The following MACROD2 variants were observed in gnomAD, a reference collection of about 807,000 sequenced individuals.
The protein encoded by MACROD2 is mono-ADP ribosylhydrolase 2.
Under a neutral mutation model 70.4 loss-of-function variants are expected in MACROD2, and 36 were observed. The observed-to-expected ratio is 0.51, with a 90% CI of 0.39 to 0.68. MACROD2 has a LOEUF of 0.68. Among genes scored for constraint, MACROD2 ranks in the 30% least tolerant of loss-of-function variants. MACROD2 has a pLI of 0.00. For synonymous variants in MACROD2, 172 were observed against 178.8 expected (o/e 0.96, Z 0.30); for missense variants, 496 against 538.4 (o/e 0.92, Z 0.78).
chr20:15,274,705 G>A (rs905595158), intron 6 of MACROD2, among the ~76,000 whole-genome samples: 23 of 152,208 alleles, frequency 1.5e-4, no homozygotes, highest in Non-Finnish European at 1.0e-4. Flanking sequence ...GGTAAAATAA[G>A]TAAAGCAGAC....
At chr20:14,047,195 C>T (rs544169213) in intron 2 of MACROD2, among the ~76,000 whole-genome samples, 282 of 152,142 alleles carry the variant, frequency 1.9e-3, no homozygotes, top group African/African-American at 6.5e-3. Context: ...GCCTGTAATC[C>T]TAGCACTTTG....
At chr20:15,222,709 T>C (rs1221873384) in intron 5 of MACROD2, among the ~76,000 whole-genome samples, 1 of 152,242 alleles carries the variant, frequency 6.6e-6, no homozygotes, top group Non-Finnish European at 1.5e-5. Context: ...ACACTTGGTC[T>C]GACTGTTCAT....
intron 3 of MACROD2, among the ~76,000 whole-genome samples, chr20:14,366,312 T>A (rs902569973): frequency 4.6e-5 from 7 of 152,136 alleles, no homozygotes; most frequent in South Asian, 2.1e-4. Context: ...GTAATTTTTT[T>A]ATCTTCTTTA....
At chr20:14,000,422 G>A (rs752837705) in intron 1 of MACROD2, among the ~76,000 whole-genome samples, 3 of 151,824 alleles carry the variant, frequency 2.0e-5, no homozygotes, top group Non-Finnish European at 4.4e-5. Flanking sequence ...TAATACTTCT[G>A]TAGTTTATTT....
At chr20:14,897,329 T>C (rs561857583) in intron 5 of MACROD2, among the ~76,000 whole-genome samples, 6 of 152,210 alleles carry the variant, frequency 3.9e-5, no homozygotes, top group Middle Eastern at 3.4e-3. Flanking sequence ...TGAGATGAAC[T>C]TCATCACTTA....
intron 3 of MACROD2, among the ~76,000 whole-genome samples, chr20:14,452,891 T>C (rs1323782556): frequency 3.3e-5 from 5 of 152,174 alleles, no homozygotes; most frequent in Admixed American, 2.6e-4. Flanking sequence ...TTTCCTCTTA[T>C]GGCAGTCATA....
At chr20:15,452,183 T>C (rs2046653259) in intron 7 of MACROD2, among the ~76,000 whole-genome samples, 1 of 152,130 alleles carries the variant, frequency 6.6e-6, no homozygotes, top group Admixed American at 6.6e-5. Context: ...AATCTGAAAA[T>C]ACCTTAAAAT....
chr20:15,686,778 C>G (rs560488895), intron 8 of MACROD2, among the ~76,000 whole-genome samples: 2 of 148,796 alleles, frequency 1.3e-5, no homozygotes, highest in Non-Finnish European at 3.0e-5. Flanking sequence ...GAGACTGAAG[C>G]AGGAGAACCA....
At chr20:14,227,299 C>G (rs530152849) in intron 3 of MACROD2, among the ~76,000 whole-genome samples, 23 of 152,178 alleles carry the variant, frequency 1.5e-4, no homozygotes, top group Admixed American at 1.4e-3. Context: ...GCAACAGGCT[C>G]GGGTCCCCTT....
At position 14,331,971 on chromosome 20, in the gene MACROD2, G is replaced by A. The variant is rs114279385; in HGVS notation, c.272-161508G>A. Among the ~76,000 whole-genome samples, 251 of 152,134 alleles carry A rather than the reference G, an allele frequency of 1.6e-3. 1 individual carries two copies. The highest frequency in any genetic ancestry group is 5.9e-3 in the African/African-American group (247 of 41,526). On this transcript the variant is annotated intron_variant, in intron 3 of 17. Coordinates refer to ENST00000684519, the MANE Select transcript of MACROD2 (RefSeq NM_001351661.2). ...CCATTACTTCTGAACAAAATGAATC[G>A]ATCTTTTAGAAAAATACTGTTAATG... is the stretch of plus-strand genomic sequence containing the variant.
chr20:14,460,046 G>A (rs927510659), intron 3 of MACROD2, among the ~76,000 whole-genome samples: 2 of 152,110 alleles, frequency 1.3e-5, no homozygotes, highest in Non-Finnish European at 2.9e-5. Flanking sequence ...ACCTGCAAAG[G>A]ACATGAACTC....
intron 3 of MACROD2, among the ~76,000 whole-genome samples, chr20:14,220,837 C>G (rs903469214): frequency 1.3e-5 from 2 of 152,180 alleles, no homozygotes; most frequent in African/African-American, 4.8e-5. Flanking sequence ...GTCTCCCTCT[C>G]CCACTTCCGC....
intron 9 of MACROD2, among the ~76,000 whole-genome samples, chr20:15,874,146 A>G (rs891823079): frequency 7.3e-6 from 1 of 137,802 alleles, no homozygotes; most frequent in Non-Finnish European, 1.5e-5. Context: ...ACTCCCATTT[A>G]TGAGTGAGAA....
chr20:15,368,464 T>C (rs1473106241), intron 6 of MACROD2, among the ~76,000 whole-genome samples: 1 of 148,984 alleles, frequency 6.7e-6, no homozygotes, highest in Admixed American at 6.7e-5. Context: ...TCACAAACTT[T>C]TTTTTTTTTT....
intron 10 of MACROD2, among the ~76,000 whole-genome samples, chr20:15,909,731 G>A (rs899496290): frequency 5.9e-5 from 9 of 151,758 alleles, no homozygotes; most frequent in Admixed American, 1.3e-4. Context: ...CACCGTTTTA[G>A]CCGGGATGGT....
At position 14,407,571 on chromosome 20, in the gene MACROD2, G is replaced by C. The variant is rs553922535; in HGVS notation, c.272-85908G>C. Among the ~76,000 whole-genome samples, 12 of 152,236 alleles carry C rather than the reference G, an allele frequency of 7.9e-5. No individual in the cohort carries two copies. In the South Asian group the frequency reaches 1.0e-3, roughly 13 times the overall value. Reference sequence around the variant, plus strand: ...TTAATAGACTAAAAAGCCATTCCCAGTAAAATCGAATTCCTGTGGGAATCA... The same window carrying C: ...TTAATAGACTAAAAAGCCATTCCCACTAAAATCGAATTCCTGTGGGAATCA... On this transcript the variant is annotated intron_variant, in intron 3 of 17. Transcript: ENST00000684519.
At chr20:14,742,197 T>G (rs2071741109) in intron 5 of MACROD2, among the ~76,000 whole-genome samples, 1 of 152,166 alleles carries the variant, frequency 6.6e-6, no homozygotes, top group Non-Finnish European at 1.5e-5. Flanking sequence ...GCTGAGGTTG[T>G]GGCTGGTAAT....
At chr20:14,341,268 A>C (rs1351278886) in intron 3 of MACROD2, among the ~76,000 whole-genome samples, 1 of 152,248 alleles carries the variant, frequency 6.6e-6, no homozygotes, top group Non-Finnish European at 1.5e-5. Context: ...GGTTCTTTTA[A>C]GCCTAAGAAA....
chr20:15,009,650 CCT>C (rs1345560665), intron 5 of MACROD2, among the ~76,000 whole-genome samples: 1 of 152,058 alleles, frequency 6.6e-6, no homozygotes, highest in East Asian at 1.9e-4. Context: ...CACTTTTCCC[CCT>C]GATTTTTAGA....
Sources: gnomAD v4.1 joint callset for allele counts (sites outside exome capture counted in the v4.1 genomes callset) on GRCh38, gnomAD v4.1.1 for gene constraint, MANE v1.5 for transcripts, NCBI Gene and HGNC (gene_info 2026-07-23, HGNC 2026-07-21) for gene names.